Variants in SAE1 observed in about 807,000 individuals in gnomAD.
SAE1 encodes the protein SUMO1 activating enzyme subunit 1.
A neutral mutation model predicts 40.6 loss-of-function variants in SAE1; 11 were observed. The observed-to-expected ratio is 0.27, with a 90% CI of 0.17 to 0.45. The LOEUF is 0.45. Ranked by LOEUF, SAE1 falls within the 20% of genes least tolerant of loss-of-function variation. The pLI is 1.00. For synonymous variants in SAE1, 155 were observed against 154.3 expected (o/e 1.00, Z -0.03); for missense variants, 373 against 427.3 (o/e 0.87, Z 1.12).
intron 7 of SAE1, among the ~76,000 whole-genome samples, chr19:47,200,535 ATACT>A (rs1416257492): frequency 3.3e-5 from 5 of 151,628 alleles, no homozygotes; most frequent in African/African-American, 9.7e-5. Flanking sequence ...ATGATAATTA[ATACT>A]TATTTATTTT....
chr19:47,180,356 G>T, intron 6 of SAE1: 1 of 430,768 alleles, frequency 2.3e-6, no homozygotes, highest in South Asian at 1.6e-5. Context: ...CTCTAAGAAT[G>T]ATAGGGGCAT....
At chr19:47,154,510 T>TTTTTTC (rs1568591027) in intron 4 of SAE1, among the ~76,000 whole-genome samples, 1 of 122,568 alleles carries the variant, frequency 8.2e-6, no homozygotes, top group African/African-American at 3.2e-5. Context: ...TTTTTTTTTT[T>TTTTTTC]CTGAGACAGA....
intron 7 of SAE1, 107 bp from the exon 8 acceptor site, chr19:47,203,564 G>C (rs1240999183): frequency 1.1e-6 from 1 of 942,158 alleles, no homozygotes; most frequent in Non-Finnish European, 1.7e-6. Flanking sequence ...GGGCCCTCCT[G>C]CTAGAAGTTG....
chr19:47,189,911 T>A (rs1330587759), intron 6 of SAE1, among the ~76,000 whole-genome samples: 1 of 152,242 alleles, frequency 6.6e-6, no homozygotes, highest in Non-Finnish European at 1.5e-5. Context: ...ATTCCCGTTA[T>A]AGCGCTAACC....
At chr19:47,187,017 T>G (rs2058548625) in intron 6 of SAE1, among the ~76,000 whole-genome samples, 1 of 151,832 alleles carries the variant, frequency 6.6e-6, no homozygotes, top group Non-Finnish European at 1.5e-5. Flanking sequence ...AGGGTAGGGG[T>G]GGAGGGGGGG....
chr19:47,189,921 C>T (rs538560814), intron 6 of SAE1, among the ~76,000 whole-genome samples: 2 of 152,290 alleles, frequency 1.3e-5, no homozygotes, highest in African/African-American at 4.8e-5. Flanking sequence ...TAGCGCTAAC[C>T]TGATGTTATG....
At chr19:47,167,689 G>GGTAT (rs758493315) in intron 5 of SAE1, among the ~76,000 whole-genome samples, 4 of 151,914 alleles carry the variant, frequency 2.6e-5, no homozygotes, top group Non-Finnish European at 5.9e-5. Context: ...TGGTTGGGAG[G>GGTAT]GTATGGAGAG....
intron 5 of SAE1, among the ~76,000 whole-genome samples, chr19:47,164,474 C>G (rs796465654): frequency 6.6e-6 from 1 of 151,226 alleles, no homozygotes. Context: ...GCCTGGAGCG[C>G]GTGATTTTAA....
intron 1 of SAE1, among the ~76,000 whole-genome samples, chr19:47,136,810 GCT>G (rs1237183127): frequency 6.6e-6 from 1 of 152,130 alleles, no homozygotes; most frequent in Non-Finnish European, 1.5e-5. Context: ...TCTTATAGCA[GCT>G]CTCTGGAGTC....
intron 6 of SAE1, among the ~76,000 whole-genome samples, chr19:47,171,024 G>C (rs2058428096): frequency 6.6e-6 from 1 of 152,064 alleles, no homozygotes; most frequent in Non-Finnish European, 1.5e-5. Context: ...CCCCAGGCTG[G>C]AGTGCAGTGG....
In SAE1 at chr19:47,176,127, G is replaced by T. The variant is rs535836903; in HGVS notation, c.733+6204G>T. ...TATGTAATCAAACTGTGAAACACCG[G>T]TTGGGAACTTGCTTGTGTACACTTG... On this transcript the variant is annotated intron_variant, in intron 6 of 8. Transcript: ENST00000270225. Among the ~76,000 whole-genome samples the T allele has an allele frequency of 1.8e-4, 28 of 152,300 alleles. No homozygotes were observed. In the South Asian group the frequency reaches 5.8e-3, roughly 32 times the overall value.
At chr19:47,156,101 G>A (rs1019641213) in intron 5 of SAE1, among the ~76,000 whole-genome samples, 3 of 151,232 alleles carry the variant, frequency 2.0e-5, no homozygotes, top group Non-Finnish European at 4.4e-5. Flanking sequence ...AAGACCCCGT[G>A]TCTACAAAAA....
chr19:47,170,956 G>A (rs1036034353), intron 6 of SAE1, among the ~76,000 whole-genome samples: 1 of 152,038 alleles, frequency 6.6e-6, no homozygotes, highest in African/African-American at 2.4e-5. Context: ...TGGCTTTTCA[G>A]TGTTCTTCCT....
intron 6 of SAE1, among the ~76,000 whole-genome samples, chr19:47,196,024 A>T (rs915962083): frequency 7.0e-6 from 1 of 143,810 alleles, no homozygotes; most frequent in Non-Finnish European, 1.5e-5. Flanking sequence ...GTGTGCCATC[A>T]CACTCTGCCT....
chr19:47,165,840 C>A (rs2058388884), intron 5 of SAE1, among the ~76,000 whole-genome samples: 1 of 152,178 alleles, frequency 6.6e-6, no homozygotes, highest in East Asian at 1.9e-4. Context: ...GTAGTAAAGA[C>A]CAGGGCCACT....
rs371022916 is a variant in SAE1 at position 47,168,451 on chromosome 19, A to G, written c.628-1367A>G. The stretch of plus-strand genomic sequence containing the variant: ...CCTGTGAAGCTGGTACCACAGGTGC[A>G]TGCCACTGCACCCAGCTAACTTGTA... On this transcript the variant is annotated intron_variant, in intron 5 of 8. Coordinates refer to ENST00000270225, the MANE Select transcript of SAE1 (RefSeq NM_005500.3). 6.9e-4 allele frequency among the ~76,000 whole-genome samples: 105 copies of G among 151,744 alleles called. 1 individual carries two copies. Among genetic ancestry groups the G allele is most frequent in the African/African-American group, 2.4e-3 (98 of 41,360 alleles).
chr19:47,145,191 C>T (rs933444818), intron 2 of SAE1, among the ~76,000 whole-genome samples: 5 of 151,958 alleles, frequency 3.3e-5, no homozygotes, highest in Non-Finnish European at 4.4e-5. Context: ...TAGTAGAGAC[C>T]GGGTTTCTCC....
chr19:47,152,753 A>G (rs149359864), intron 3 of SAE1, 145 bp from the exon 4 acceptor site: 135 of 671,162 alleles, frequency 2.0e-4, no homozygotes, highest in African/African-American at 1.2e-3. Context: ...TCTTCTAGCC[A>G]TAGGGCCCAA....
chr19:47,197,281 C>A lies in SAE1; in HGVS notation c.782C>A (p.Thr261Lys), dbSNP rs147762158. ...AAAGGAAGAGATCCCAGTTCTGATA[C>A]ATATGAGGAAGATTCTGAGTTGTTG... ...TDKGRDPSSDTYEEDSELLLQ... is the reference protein window; with the variant it reads ...TDKGRDPSSDKYEEDSELLLQ... The change falls in exon 7 of 9, where the codon ACA becomes AAA. Residue 261 changes from threonine (T) to lysine (K), a missense_variant. Around this residue, in one of 3 missense-constraint regions of SAE1, gnomAD observed 351 missense variants for 390.6 expected, o/e 0.90. Coordinates refer to ENST00000270225, the MANE Select transcript of SAE1 (RefSeq NM_005500.3). 2.2e-4 allele frequency: 349 copies of A among 1,613,824 alleles called. 1 individual carries two copies. In the East Asian group the frequency reaches 6.1e-3, roughly 28 times the overall value.
Sources: gnomAD v4.1 joint callset for allele counts (sites outside exome capture counted in the v4.1 genomes callset) on GRCh38, gnomAD v4.1.1 for gene constraint, gnomAD v4.1.1 regional missense constraint, MANE v1.5 for transcripts, NCBI Gene and HGNC (gene_info 2026-07-23, HGNC 2026-07-21) for gene names.